The following EIF4G3 variants were observed in gnomAD, a reference collection of about 807,000 sequenced individuals.
EIF4G3 encodes the protein eIF-4-gamma 3.
EIF4G3 carries 34 observed loss-of-function variants against 186.4 expected under a neutral mutation model. That is an observed-to-expected ratio of 0.18 (90% CI 0.14 to 0.24). The LOEUF (loss-of-function observed/expected upper bound fraction) is 0.24. Ranked by LOEUF, EIF4G3 falls within the 10% of genes least tolerant of loss-of-function variation. The pLI is 1.00. For missense variants in EIF4G3, 1,536 were observed against 1,948.5 expected (o/e 0.79, Z 3.99); for synonymous variants, 673 against 679.5 (o/e 0.99, Z 0.15).
chr1:21,123,119 C>G (rs893615663), intron 2 of EIF4G3, among the ~76,000 whole-genome samples: 1 of 152,090 alleles, frequency 6.6e-6, no homozygotes, highest in Non-Finnish European at 1.5e-5. Context: ...AGTTGTAAGA[C>G]ATCTGTCTAG....
intron 13 of EIF4G3, among the ~76,000 whole-genome samples, chr1:20,945,518 T>G (rs7547055): frequency 0.029 from 4,415 of 152,238 alleles, 202 homozygotes; most frequent in African/African-American, 0.098. Flanking sequence ...TAGGCTGGAG[T>G]GCACTGGTGT....
chr1:20,970,151 A>C (rs2075544791), intron 11 of EIF4G3, among the ~76,000 whole-genome samples: 1 of 152,130 alleles, frequency 6.6e-6, no homozygotes, highest in Non-Finnish European at 1.5e-5. Context: ...AACGCTGTAA[A>C]TAATTCTCTG....
chr1:21,163,331 A>G (rs2097795674), intron 2 of EIF4G3, among the ~76,000 whole-genome samples: 1 of 152,214 alleles, frequency 6.6e-6, no homozygotes, highest in African/African-American at 2.4e-5. Flanking sequence ...TTATTCCAGG[A>G]AGTTGGACTA....
At chr1:21,063,285 GGGTTT>G (rs1295830955) in intron 3 of EIF4G3, among the ~76,000 whole-genome samples, 2 of 152,136 alleles carry the variant, frequency 1.3e-5, no homozygotes, top group African/African-American at 4.8e-5. Context: ...GAATCTGGAA[GGGTTT>G]GGTGGCACCT....
At chr1:21,099,113 CAAT>C (rs1228808398) in intron 2 of EIF4G3, among the ~76,000 whole-genome samples, 1 of 152,012 alleles carries the variant, frequency 6.6e-6, no homozygotes, top group Non-Finnish European at 1.5e-5. Context: ...AAAAAAATGA[CAAT>C]AATGAGTGCT....
At chr1:20,872,713 CTTTTT>C (rs386366427) in intron 20 of EIF4G3, among the ~76,000 whole-genome samples, 5 of 81,836 alleles carry the variant, frequency 6.1e-5, no homozygotes, top group Non-Finnish European at 1.3e-4. Flanking sequence ...ACTTTCTTGC[CTTTTT>C]TTTTTTTTTT....
Position 20,904,912 on chromosome 1 carries a change from T to C in EIF4G3, c.1723A>G (p.Thr575Ala). The C allele has an allele frequency of 1.2e-6, 2 of 1,614,024 alleles. No individual in the cohort carries two copies. The highest frequency in any genetic ancestry group is 1.7e-6 in the Non-Finnish European group (2 of 1,179,952). ...WKKPKDRTRT[T>A]EEMLEAELEL... Reference sequence around the variant, plus strand: ...AATTCTGCCTCTAACATCTCTTCAGTGGTTCGGGTCCGATCTTTTGGTTTC... The same window carrying C: ...AATTCTGCCTCTAACATCTCTTCAGCGGTTCGGGTCCGATCTTTTGGTTTC... The change falls in exon 15 of 37, where the codon ACT becomes GCT. Residue 575 changes from threonine (T) to alanine (A), a missense_variant. Transcript: ENST00000602326.
In EIF4G3 at chr1:20,886,233, G is replaced by C. The variant is rs201127143; in HGVS notation, c.2392C>G (p.Gln798Glu). 6.2e-7 allele frequency: 1 copy of C among 1,608,218 alleles called. No individual in the cohort carries two copies. The highest frequency in any genetic ancestry group is 1.3e-5 in the African/African-American group (1 of 74,838). The stretch of plus-strand genomic sequence containing the variant: ...TTAATGTTTTCGGGATCATCGGCTT[G>C]GCTGTCTCGTTTTTGGCTTGGCTTC... ...AWKPSQKRDS[Q>E]ADDPENIKTQ... The change falls in exon 19 of 37, where the codon CAA becomes GAA. Residue 798 changes from glutamine to glutamate, a missense_variant. By Grantham distance (29) the Gln-to-Glu change is conservative. This residue lies in a region of EIF4G3 where 139 missense variants were observed against 192.8 expected (regional missense o/e 0.72). Coordinates refer to ENST00000602326, the MANE Select transcript of EIF4G3 (RefSeq NM_001391906.1).
chr1:20,984,963 A>T (rs1046116315), intron 7 of EIF4G3, among the ~76,000 whole-genome samples: 4 of 152,240 alleles, frequency 2.6e-5, no homozygotes, highest in African/African-American at 9.6e-5. Flanking sequence ...AGATATATGT[A>T]AAAACTGAGG....
intron 3 of EIF4G3, among the ~76,000 whole-genome samples, chr1:21,052,257 T>G (rs932244175): frequency 1.3e-5 from 2 of 152,192 alleles, no homozygotes; most frequent in African/African-American, 2.4e-5. Flanking sequence ...CAATCAATCC[T>G]AGCCAGCTCT....
chr1:21,089,050 T>A, intron 3 of EIF4G3, 88 bp downstream of exon 3: 1 of 661,978 alleles, frequency 1.5e-6, no homozygotes, highest in South Asian at 1.7e-5. Flanking sequence ...ATTTGTCATG[T>A]GTCAATCAAA....
At chr1:20,999,485 G>A in intron 6 of EIF4G3, 1 of 320,026 alleles carries the variant, frequency 3.1e-6, no homozygotes, top group Non-Finnish European at 6.2e-6. Context: ...CCTGAGTATG[G>A]CAGTACCTGT....
intron 20 of EIF4G3, among the ~76,000 whole-genome samples, chr1:20,868,722 G>A (rs1316118442): frequency 1.3e-5 from 2 of 152,178 alleles, no homozygotes; most frequent in Non-Finnish European, 2.9e-5. Flanking sequence ...GTGTTTAAAT[G>A]GGTTGTTCGG....
chr1:21,130,242 T>TTG (rs1293835689), intron 2 of EIF4G3, among the ~76,000 whole-genome samples: 1 of 146,786 alleles, frequency 6.8e-6, no homozygotes, highest in African/African-American at 2.5e-5. Context: ...TTTTTTTTTT[T>TTG]GAGACAAAGT....
chr1:20,857,345 T>TGTG, intron 25 of EIF4G3, 58 bp downstream of exon 25: 1 of 1,331,480 alleles, frequency 7.5e-7, no homozygotes, highest in Non-Finnish European at 1.1e-6. Context: ...TGTGTGTGTG[T>TGTG]TTTAATATCA....
At chr1:21,075,803 G>A (rs895624505) in intron 3 of EIF4G3, among the ~76,000 whole-genome samples, 7 of 151,882 alleles carry the variant, frequency 4.6e-5, no homozygotes, top group Non-Finnish European at 1.0e-4. Context: ...ACATATGCAC[G>A]TAACAAAAGA....
intron 2 of EIF4G3, among the ~76,000 whole-genome samples, chr1:21,100,721 A>C (rs1404055704): frequency 6.6e-6 from 1 of 151,494 alleles, no homozygotes; most frequent in Non-Finnish European, 1.5e-5. Context: ...CATCTCTTAC[A>C]AAAAAAAAGA....
At chr1:21,132,104 C>T (rs33944319) in intron 2 of EIF4G3, among the ~76,000 whole-genome samples, 4,184 of 152,034 alleles carry the variant, frequency 0.028, 89 homozygotes, top group Non-Finnish European at 0.038. Context: ...TAATGTTCTC[C>T]GTATCAAAGT....
intron 7 of EIF4G3, among the ~76,000 whole-genome samples, chr1:20,993,315 T>C (rs1350080712): frequency 6.6e-6 from 1 of 152,184 alleles, no homozygotes; most frequent in Non-Finnish European, 1.5e-5. Context: ...AGTTTCTTGA[T>C]TCCATTAAGA....
Sources: gnomAD v4.1 joint callset for allele counts (sites outside exome capture counted in the v4.1 genomes callset) on GRCh38, gnomAD v4.1.1 for gene constraint, gnomAD v4.1.1 regional missense constraint, MANE v1.5 for transcripts, NCBI Gene and HGNC (gene_info 2026-07-23, HGNC 2026-07-21) for gene names.